The following EPSTI1 variants were observed in gnomAD, a reference collection of about 807,000 sequenced individuals.
EPSTI1 encodes epithelial stromal interaction 1.
A neutral mutation model predicts 49.9 loss-of-function variants in EPSTI1; 66 were observed. That is an observed-to-expected ratio of 1.32 (90% CI 1.08 to 1.62). EPSTI1 has a LOEUF of 1.62. EPSTI1 is among the 40% of genes most tolerant of loss of function. The pLI, the probability that EPSTI1 is intolerant of heterozygous loss-of-function variation, is 0.00. For synonymous variants in EPSTI1, 137 were observed against 130.7 expected (o/e 1.05, Z -0.33); for missense variants, 394 against 365.5 (o/e 1.08, Z -0.64).
At chr13:42,969,052 G>A (rs373875510) in intron 3 of EPSTI1, 42 bp downstream of exon 3, 2 of 1,597,670 alleles carry the variant, frequency 1.3e-6, no homozygotes, top group Non-Finnish European at 1.7e-6. Context: ...TCCATAGGTG[G>A]CCCCGCCCTC....
At chr13:42,942,658 C>CTTTT (rs1161224574) in intron 6 of EPSTI1, among the ~76,000 whole-genome samples, 25 of 64,652 alleles carry the variant, frequency 3.9e-4, no homozygotes, top group African/African-American at 4.6e-4. Flanking sequence ...CCTGTTGATT[C>CTTTT]TTTTTTTTTT....
chr13:42,930,721 G>A (rs988873180), intron 6 of EPSTI1, among the ~76,000 whole-genome samples: 3 of 152,060 alleles, frequency 2.0e-5, no homozygotes, highest in Non-Finnish European at 4.4e-5. Flanking sequence ...ATAGAAATTA[G>A]ATAAAAATAT....
intron 1 of EPSTI1, among the ~76,000 whole-genome samples, chr13:42,989,200 G>C (rs2040141951): frequency 6.6e-6 from 1 of 151,754 alleles, no homozygotes; most frequent in Non-Finnish European, 1.5e-5. Context: ...TTTTAACAAG[G>C]CACAAACATT....
chr13:42,956,875 T>C (rs888246585), intron 5 of EPSTI1, among the ~76,000 whole-genome samples: 6 of 152,152 alleles, frequency 3.9e-5, no homozygotes, highest in Non-Finnish European at 7.3e-5. Flanking sequence ...AAGGAATAAT[T>C]ATATAGGAAT....
chr13:42,925,136 T>C (rs2038130574), intron 7 of EPSTI1, among the ~76,000 whole-genome samples: 1 of 152,072 alleles, frequency 6.6e-6, no homozygotes, highest in Non-Finnish European at 1.5e-5. Context: ...CTCCATCCTC[T>C]CCCCCGCTGT....
chr13:42,969,221 TA>T (rs2039705747), intron 2 of EPSTI1, 44 bp from the exon 3 acceptor site: 2 of 1,586,444 alleles, frequency 1.3e-6, no homozygotes, highest in African/African-American at 1.3e-5. Flanking sequence ...ATTAGACTTC[TA>T]AAAGAAAACC....
At chr13:42,889,360 C>A (rs2153407111) in intron 10 of EPSTI1, 1 of 665,586 alleles carries the variant, frequency 1.5e-6, no homozygotes, top group South Asian at 2.3e-5. Context: ...AAATAAAAAT[C>A]AATCCACCTA....
chr13:42,902,359 C>G (rs1306756047), intron 8 of EPSTI1, among the ~76,000 whole-genome samples: 1 of 152,104 alleles, frequency 6.6e-6, no homozygotes, highest in African/African-American at 2.4e-5. Context: ...GCCTCTGATT[C>G]CTCAACTTAA....
chr13:42,949,334 A>G (rs2039022378), intron 6 of EPSTI1, among the ~76,000 whole-genome samples: 2 of 152,296 alleles, frequency 1.3e-5, no homozygotes, highest in Admixed American at 1.3e-4. Flanking sequence ...TCACGCCTGT[A>G]ATCCCAGCAC....
At chr13:42,949,371 C>A (rs972154726) in intron 6 of EPSTI1, among the ~76,000 whole-genome samples, 8 of 152,156 alleles carry the variant, frequency 5.3e-5, no homozygotes, top group African/African-American at 1.9e-4. Context: ...AGGTGGATCA[C>A]ATGAGGTCAG....
rs2038051062 is a variant in EPSTI1, at chr13:42,922,775, A to G, written c.657+3561T>C. ...ACGTAGATAAAAATTACAATAATCAACCTGCACTGAGTGCTCACAGTAGTG... is the reference window on the plus strand; with the variant it reads ...ACGTAGATAAAAATTACAATAATCAGCCTGCACTGAGTGCTCACAGTAGTG... On this transcript the variant is annotated intron_variant, in intron 7 of 10. Coordinates refer to ENST00000313624, the MANE Select transcript of EPSTI1 (RefSeq NM_033255.5). This position sits in a 1 kb window ranked among gnomAD's most constrained non-coding sequence, Gnocchi z 4.8. Among the ~76,000 whole-genome samples the G allele has an allele frequency of 6.6e-6, 1 of 152,182 alleles. No individual in the cohort carries two copies. Among genetic ancestry groups the G allele is most frequent in the South Asian group, 2.1e-4 (1 of 4,834 alleles).
intron 6 of EPSTI1, among the ~76,000 whole-genome samples, chr13:42,939,472 G>T (rs75459692): frequency 6.6e-6 from 1 of 152,164 alleles, no homozygotes; most frequent in Non-Finnish European, 1.5e-5. Context: ...ATGGGCCATT[G>T]TAGGGTTATT....
In EPSTI1 at chr13:42,888,410, C is replaced by A. The variant is rs1389121576; in HGVS notation, c.*84G>T. The A allele has an allele frequency of 6.2e-7, 1 of 1,613,952 alleles. No individual in the cohort carries two copies. The highest frequency in any genetic ancestry group is 8.5e-7 in the Non-Finnish European group (1 of 1,180,008). ...TGAAATTAAGGTAAAAACAGTGAGG[C>A]TGAACAAAATCACATTAAGAAAAAG... On this transcript the variant is annotated 3_prime_UTR_variant, in exon 11 of 11. Coordinates refer to ENST00000313624, the MANE Select transcript of EPSTI1 (RefSeq NM_033255.5).
At chr13:42,929,854 C>T (rs1172918958) in intron 6 of EPSTI1, among the ~76,000 whole-genome samples, 1 of 152,154 alleles carries the variant, frequency 6.6e-6, no homozygotes, top group Non-Finnish European at 1.5e-5. Flanking sequence ...GTGGTGTTTA[C>T]TAGGGAAAGA....
At chr13:42,917,267 C>A (rs973820872) in intron 8 of EPSTI1, among the ~76,000 whole-genome samples, 2 of 152,200 alleles carry the variant, frequency 1.3e-5, no homozygotes, top group East Asian at 1.9e-4. Flanking sequence ...ATGAGAAGTT[C>A]ACCAGTGCTC....
chr13:42,954,325 C>A (rs141608469), intron 5 of EPSTI1, among the ~76,000 whole-genome samples: 2,296 of 152,260 alleles, frequency 0.015, 58 homozygotes, highest in African/African-American at 0.05. Flanking sequence ...TTAAGCAGTG[C>A]TTTCAAAATG....
At chr13:42,982,834 T>G (rs1454992750) in intron 1 of EPSTI1, among the ~76,000 whole-genome samples, 1 of 152,166 alleles carries the variant, frequency 6.6e-6, no homozygotes, top group Non-Finnish European at 1.5e-5. Flanking sequence ...GGTCATAATA[T>G]CCTCATTTCA....
At chr13:42,960,140 G>A (rs541618305) in intron 5 of EPSTI1, among the ~76,000 whole-genome samples, 2 of 152,238 alleles carry the variant, frequency 1.3e-5, no homozygotes, top group African/African-American at 2.4e-5. Context: ...AAGGATGGCT[G>A]TATCTGGAAA....
intron 3 of EPSTI1, among the ~76,000 whole-genome samples, chr13:42,968,678 C>A (rs1026947442): frequency 2.6e-5 from 4 of 152,118 alleles, no homozygotes; most frequent in Non-Finnish European, 5.9e-5. Flanking sequence ...CCTCTTGGAA[C>A]TGACTCTCCA....
Sources: allele counts gnomAD v4.1 joint callset (sites outside exome capture counted in the v4.1 genomes callset), GRCh38; gene constraint gnomAD v4.1.1; non-coding constraint Gnocchi (gnomAD v3.1); transcripts MANE v1.5; gene names NCBI Gene and HGNC (gene_info 2026-07-23, HGNC 2026-07-21).